Variants in CDH13 observed in about 807,000 individuals in gnomAD.
CDH13 encodes the protein cadherin 13.
A neutral mutation model predicts 63.8 loss-of-function variants in CDH13; 24 were observed. The ratio of observed to expected loss-of-function variants is 0.38; its 90% CI spans 0.27 to 0.53. CDH13 has a LOEUF of 0.53. CDH13 is among the 20% of genes least tolerant of loss of function. The probability of loss-of-function intolerance (pLI) is 0.85; values close to 1 mark genes in which losing one functional copy is unlikely to be tolerated. For synonymous variants in CDH13, 503 were observed against 355.3 expected (o/e 1.42, Z -4.67); for missense variants, 1,049 against 903.1 (o/e 1.16, Z -2.07).
At chr16:83,090,485 A>G (rs1451918542) in intron 3 of CDH13, among the ~76,000 whole-genome samples, 1 of 151,702 alleles carries the variant, frequency 6.6e-6, no homozygotes, top group Non-Finnish European at 1.5e-5. Flanking sequence ...GAGGCGGGAG[A>G]ATCGCTTGAA....
chr16:82,659,651 G>C (rs1193648262), intron 1 of CDH13, among the ~76,000 whole-genome samples: 1 of 152,158 alleles, frequency 6.6e-6, no homozygotes, highest in Non-Finnish European at 1.5e-5. Context: ...CCACAGGCCA[G>C]GTACTGTGCG....
chr16:83,517,952 TG>T (rs1408150918), intron 7 of CDH13, among the ~76,000 whole-genome samples: 9 of 152,132 alleles, frequency 5.9e-5, no homozygotes, highest in African/African-American at 2.2e-4. Context: ...AACTGAGCCC[TG>T]GGGTGATGAA....
intron 2 of CDH13, among the ~76,000 whole-genome samples, chr16:82,947,907 G>T (rs1904905340): frequency 1.3e-5 from 2 of 152,176 alleles, no homozygotes; most frequent in South Asian, 4.1e-4. Context: ...CTAGTTGGGA[G>T]TGTGTGACAT....
chr16:83,068,024 C>T (rs1267480203), intron 3 of CDH13, among the ~76,000 whole-genome samples: 1 of 152,174 alleles, frequency 6.6e-6, no homozygotes, highest in African/African-American at 2.4e-5. Context: ...AGTCAATCCT[C>T]CCAGCTCCTC....
chr16:82,851,098 C>G (rs543532303), intron 1 of CDH13, among the ~76,000 whole-genome samples: 1 of 152,240 alleles, frequency 6.6e-6, no homozygotes, highest in South Asian at 2.1e-4. Flanking sequence ...TGGGTAGCAT[C>G]TTTTAGAAAT....
chr16:83,633,987 C>G (rs1357269791), intron 8 of CDH13, among the ~76,000 whole-genome samples: 1 of 152,180 alleles, frequency 6.6e-6, no homozygotes, highest in Admixed American at 6.5e-5. Context: ...ACCTTGAACC[C>G]TTCTCTCAGC....
intron 6 of CDH13, among the ~76,000 whole-genome samples, chr16:83,442,132 C>G (rs139849063): frequency 2.0e-5 from 3 of 152,180 alleles, no homozygotes; most frequent in Non-Finnish European, 4.4e-5. Flanking sequence ...TATCACCATG[C>G]TCCTCCAATG....
At chr16:83,006,590 A>G (rs1019823689) in intron 2 of CDH13, among the ~76,000 whole-genome samples, 3 of 152,208 alleles carry the variant, frequency 2.0e-5, no homozygotes, top group Middle Eastern at 3.4e-3. Flanking sequence ...CCCATATCCC[A>G]ATGAGGGTTA....
chr16:82,663,514 A>G (rs532896002), intron 1 of CDH13, among the ~76,000 whole-genome samples: 2 of 149,974 alleles, frequency 1.3e-5, no homozygotes, highest in Admixed American at 6.6e-5. Context: ...AGTCCCCTGT[A>G]TGTCTCCTAG....
chr16:82,959,491 C>A (rs1280927891), intron 2 of CDH13, among the ~76,000 whole-genome samples: 1 of 152,188 alleles, frequency 6.6e-6, no homozygotes, highest in Non-Finnish European at 1.5e-5. Flanking sequence ...TTCCCTCTCC[C>A]AGTTTCTAGA....
intron 6 of CDH13, among the ~76,000 whole-genome samples, chr16:83,477,398 C>G (rs2073632925): frequency 6.6e-6 from 1 of 152,212 alleles, no homozygotes; most frequent in Non-Finnish European, 1.5e-5. Flanking sequence ...CATGGAGACA[C>G]TTAGGACTGT....
chr16:82,966,660 GC>G (rs1192355784), intron 2 of CDH13, among the ~76,000 whole-genome samples: 1 of 152,122 alleles, frequency 6.6e-6, no homozygotes, highest in African/African-American at 2.4e-5. Context: ...CAGGAAAGTT[GC>G]AAAAAGAATG....
chr16:83,649,167 C>G (rs1265535551), intron 8 of CDH13, among the ~76,000 whole-genome samples: 1 of 152,368 alleles, frequency 6.6e-6, no homozygotes, highest in East Asian at 1.9e-4. Flanking sequence ...CCACAGGCTG[C>G]TGTTGGAGTG....
chr16:83,671,864 G>A (rs956017278), intron 9 of CDH13, among the ~76,000 whole-genome samples: 1 of 152,204 alleles, frequency 6.6e-6, no homozygotes, highest in African/African-American at 2.4e-5. Flanking sequence ...ATATTAGTGG[G>A]GGTGGTAGCA....
intron 1 of CDH13, among the ~76,000 whole-genome samples, chr16:82,811,332 A>T (rs1264440960): frequency 1.3e-5 from 2 of 152,212 alleles, no homozygotes; most frequent in Non-Finnish European, 2.9e-5. Context: ...TGACCATCAT[A>T]GCACTGTGTA....
intron 3 of CDH13, among the ~76,000 whole-genome samples, chr16:83,035,554 C>T (rs1211446453): frequency 6.6e-6 from 1 of 152,156 alleles, no homozygotes; most frequent in Non-Finnish European, 1.5e-5. Context: ...AGTGACATTT[C>T]CAAGGTCTAA....
At chr16:82,640,859 T>C (rs79305556) in intron 1 of CDH13, among the ~76,000 whole-genome samples, 1,931 of 152,368 alleles carry the variant, frequency 0.013, 22 homozygotes, top group South Asian at 0.024. Context: ...AGCTTTGTAA[T>C]ATTTATCTGG....
chr16:82,995,797 A>T (rs1912142855), intron 2 of CDH13, among the ~76,000 whole-genome samples: 2 of 152,186 alleles, frequency 1.3e-5, no homozygotes, highest in Non-Finnish European at 2.9e-5. Context: ...TAACTAGATG[A>T]TAACAGGGAT....
intron 2 of CDH13, among the ~76,000 whole-genome samples, chr16:82,985,056 G>T (rs190663783): frequency 6.6e-6 from 1 of 152,296 alleles, no homozygotes; most frequent in Non-Finnish European, 1.5e-5. Context: ...TTAACTTACT[G>T]AGACTGAGAA....
Sources: gnomAD v4.1 joint callset for allele counts (sites outside exome capture counted in the v4.1 genomes callset) on GRCh38, gnomAD v4.1.1 for gene constraint, MANE v1.5 for transcripts, NCBI Gene and HGNC (gene_info 2026-07-23, HGNC 2026-07-21) for gene names.